RNFT2: variants seen among roughly 807,000 people sequenced by gnomAD.
The protein encoded by RNFT2 is ring finger protein, transmembrane 2.
RNFT2 carries 36 observed loss-of-function variants against 53.0 expected under a neutral mutation model. The ratio of observed to expected loss-of-function variants is 0.68; its 90% CI spans 0.52 to 0.90. The LOEUF (loss-of-function observed/expected upper bound fraction) is 0.90. Among genes scored for constraint, RNFT2 ranks in the 40% least tolerant of loss-of-function variants. RNFT2 has a pLI of 0.00. For missense variants in RNFT2, 514 were observed against 585.6 expected (o/e 0.88, Z 1.26); for synonymous variants, 260 against 253.2 (o/e 1.03, Z -0.26).
At chr12:116,742,702 G>A (rs1178122698) in intron 3 of RNFT2, among the ~76,000 whole-genome samples, 2 of 152,114 alleles carry the variant, frequency 1.3e-5, no homozygotes, top group African/African-American at 4.8e-5. Context: ...CAACACTTTG[G>A]GAGACCAAGG....
chr12:116,766,350 C>G (rs1300318370), intron 5 of RNFT2, among the ~76,000 whole-genome samples: 1 of 152,188 alleles, frequency 6.6e-6, no homozygotes, highest in African/African-American at 2.4e-5. Context: ...AACACAGCCC[C>G]TTGAGGTTTC....
At chr12:116,789,960 G>GTAGATGGA (rs1555261852) in intron 7 of RNFT2, among the ~76,000 whole-genome samples, 78 of 146,280 alleles carry the variant, frequency 5.3e-4, no homozygotes, top group Middle Eastern at 3.5e-3. Flanking sequence ...GGATGGGTGG[G>GTAGATGGA]TGGATGGATG....
At chr12:116,753,904 T>A in intron 4 of RNFT2, 80 bp from the exon 5 acceptor site, 2 of 1,065,518 alleles carry the variant, frequency 1.9e-6, no homozygotes, top group South Asian at 2.6e-5. Context: ...GGGATGTGCC[T>A]TTTCCCCCAT....
At chr12:116,765,822 A>C (rs1055634763) in intron 5 of RNFT2, among the ~76,000 whole-genome samples, 10 of 152,198 alleles carry the variant, frequency 6.6e-5, no homozygotes. Context: ...GTGGCATTCC[A>C]TGGAATGGTC....
At chr12:116,812,083 AAC>A (rs1415779986) in intron 7 of RNFT2, among the ~76,000 whole-genome samples, 1 of 152,038 alleles carries the variant, frequency 6.6e-6, no homozygotes, top group Non-Finnish European at 1.5e-5. Context: ...TGAGGTTTAG[AAC>A]AGAGTTTTCA....
At chr12:116,840,380 C>T (rs897080309) in intron 10 of RNFT2, among the ~76,000 whole-genome samples, 3 of 152,182 alleles carry the variant, frequency 2.0e-5, no homozygotes, top group African/African-American at 7.2e-5. Context: ...AGTCACAGAA[C>T]CAGGATTCAA....
chr12:116,841,494 T>A (rs375265047), intron 10 of RNFT2, among the ~76,000 whole-genome samples: 2 of 150,914 alleles, frequency 1.3e-5, no homozygotes, highest in African/African-American at 4.9e-5. Context: ...ACACCTGTAA[T>A]CCCAGCACTT....
rs74852953 is a variant in RNFT2, at chr12:116,795,029, A to G, written c.882+15681A>G. Among the ~76,000 whole-genome samples, 249 of 152,240 alleles carry G rather than the reference A, an allele frequency of 1.6e-3. 6 individuals are homozygous for G. In the East Asian group the frequency reaches 0.042, roughly 25 times the overall value. On this transcript the variant is annotated intron_variant, in intron 7 of 10. Transcript: ENST00000257575. ...AAGGCAAATCCTCTGTCCCAGAAAC[A>G]TACATAGAAATATATCATATACTCC...
chr12:116,741,426 T>C (rs1363577694), intron 3 of RNFT2, among the ~76,000 whole-genome samples: 2 of 152,208 alleles, frequency 1.3e-5, no homozygotes, highest in African/African-American at 4.8e-5. Flanking sequence ...TCTCTCACAG[T>C]GCTGGAAGCT....
Position 116,849,845 on chromosome 12 carries a change from C to CTT in RNFT2, c.*412_*413dup. On this transcript the variant is annotated 3_prime_UTR_variant, in exon 11 of 11. Coordinates refer to ENST00000257575, the MANE Select transcript of RNFT2 (RefSeq NM_001382266.1). ...CCCTCCCTCCTTCCTTCCTTCCTTC[C>CTT]TTTTTTTTTTTTTTTTAAAACAAGG... 13 of 77,156 alleles carry CTT rather than the reference C, an allele frequency of 1.7e-4. No homozygotes were observed. Among genetic ancestry groups the CTT allele is most frequent in the Non-Finnish European group, 2.7e-4 (13 of 47,540 alleles). 4.8% of individuals were successfully genotyped at this position (77,156 alleles called of 1,614,324 possible). A position where few individuals can be genotyped will look rare whatever the true frequency, so the allele number is the denominator to read the frequency against.
intron 7 of RNFT2, among the ~76,000 whole-genome samples, chr12:116,822,252 T>C (rs1447331057): frequency 6.6e-6 from 1 of 152,064 alleles, no homozygotes; most frequent in Non-Finnish European, 1.5e-5. Flanking sequence ...TAGAACCCCA[T>C]GACCTCTTGG....
At chr12:116,826,188 G>A (rs143911352) in intron 7 of RNFT2, among the ~76,000 whole-genome samples, 7 of 151,868 alleles carry the variant, frequency 4.6e-5, no homozygotes, top group Admixed American at 2.0e-4. Context: ...TTTCCCACCC[G>A]CTTCTGGAGC....
chr12:116,792,479 C>T (rs1409423335), intron 7 of RNFT2, among the ~76,000 whole-genome samples: 1 of 152,146 alleles, frequency 6.6e-6, no homozygotes, highest in Non-Finnish European at 1.5e-5. Context: ...GCCGAGGAGG[C>T]GGGGATGGAC....
rs533872907 is a variant in RNFT2, at chr12:116,822,173, C to A, written c.883-11619C>A. Among the ~76,000 whole-genome samples the A allele has an allele frequency of 1.9e-4, 29 of 152,136 alleles. 1 individual carries two copies. The South Asian group carries it at 5.4e-3, about 28-fold the overall frequency. ...CAGAGGAACCAGCCCTCCTCTCTGT[C>A]CCCTTAGTTCTGATGACACCGTCAG... On this transcript the variant is annotated intron_variant, in intron 7 of 10. Transcript: ENST00000257575.
In RNFT2 at chr12:116,816,446, G is replaced by A. The variant is rs569601559; in HGVS notation, c.883-17346G>A. On this transcript the variant is annotated intron_variant, in intron 7 of 10. Coordinates refer to ENST00000257575, the MANE Select transcript of RNFT2 (RefSeq NM_001382266.1). ...TGGGACCATAGCACCAGAGGCGATC[G>A]CGGCCTCCTCCTCCCCCTCCTCGCC... is the stretch of plus-strand genomic sequence containing the variant. 1.0e-3 allele frequency among the ~76,000 whole-genome samples: 157 copies of A among 152,270 alleles called. 1 individual carries two copies. Among genetic ancestry groups the A allele is most frequent in the African/African-American group, 3.5e-3 (147 of 41,556 alleles).
chr12:116,847,606 C>T (rs1877686767), intron 10 of RNFT2, among the ~76,000 whole-genome samples: 1 of 151,922 alleles, frequency 6.6e-6, no homozygotes, highest in Non-Finnish European at 1.5e-5. Context: ...CAGCTCACCG[C>T]AACCTCTGCC....
At chr12:116,806,075 T>C (rs1875034344) in intron 7 of RNFT2, among the ~76,000 whole-genome samples, 1 of 152,176 alleles carries the variant, frequency 6.6e-6, no homozygotes, top group Non-Finnish European at 1.5e-5. Flanking sequence ...TGATGTTTTA[T>C]CATGTTAACA....
At chr12:116,821,261 T>G (rs896545839) in intron 7 of RNFT2, among the ~76,000 whole-genome samples, 2 of 151,986 alleles carry the variant, frequency 1.3e-5, no homozygotes, top group Non-Finnish European at 2.9e-5. Context: ...TCTCTAGCCT[T>G]GCTTCTATCC....
intron 5 of RNFT2, among the ~76,000 whole-genome samples, chr12:116,764,035 T>C (rs1872807343): frequency 1.3e-5 from 2 of 152,162 alleles, no homozygotes; most frequent in African/African-American, 4.8e-5. Flanking sequence ...AAGGAATGAA[T>C]TAATGGAATT....
Sources: gnomAD v4.1 joint callset for allele counts (sites outside exome capture counted in the v4.1 genomes callset) on GRCh38, gnomAD v4.1.1 for gene constraint, MANE v1.5 for transcripts, NCBI Gene and HGNC (gene_info 2026-07-23, HGNC 2026-07-21) for gene names.